The following FAM228B variants were observed in gnomAD, a reference collection of about 807,000 sequenced individuals.
FAM228B encodes the protein protein FAM228B.
In FAM228B, 38 loss-of-function variants were observed where a neutral mutation model predicts 42.6. That is an observed-to-expected ratio of 0.89 (90% confidence interval 0.69 to 1.17). The LOEUF is 1.17. Among genes scored for constraint, FAM228B ranks in the 50% most tolerant of loss-of-function variants. FAM228B has a pLI of 0.00. For synonymous variants in FAM228B, 109 were observed against 122.3 expected (o/e 0.89, Z 0.72); for missense variants, 344 against 367.3 (o/e 0.94, Z 0.52).
At position 24,084,246 on chromosome 2, in the gene FAM228B, C is replaced by T. The variant is rs1213074091; in HGVS notation, c.-210+3291C>T. 1.9e-6 allele frequency: 3 copies of T among 1,614,132 alleles called. No individual in the cohort carries two copies. Among genetic ancestry groups the T allele is most frequent in the Admixed American group, 1.7e-5 (1 of 60,026 alleles). ...CCGCCACCTTCAGGAGGACTTCACC[C>T]TCCCCCGGGCTCGGCTTGGCCACCT... On this transcript the variant is annotated intron_variant, in intron 2 of 10. Coordinates refer to the FAM228B transcript ENST00000613899. This position sits in a 1 kb window ranked among gnomAD's most constrained non-coding sequence, Gnocchi z 8.4.
At chr2:24,111,166 C>T (rs1339494691) in intron 3 of FAM228B, among the ~76,000 whole-genome samples, 1 of 151,940 alleles carries the variant, frequency 6.6e-6, no homozygotes, top group East Asian at 1.9e-4. Flanking sequence ...GCTCAAGCAA[C>T]CCTTCTGCCT....
At chr2:24,124,293 C>A in intron 1 of FAM228B, 37 bp from the exon 2 acceptor site, 1 of 1,033,490 alleles carries the variant, frequency 9.7e-7, no homozygotes, top group Non-Finnish European at 1.4e-6. Context: ...AATCAGATGA[C>A]TGTGAAATGT....
intron 7 of FAM228B, among the ~76,000 whole-genome samples, chr2:24,157,194 G>T (rs1223963647): frequency 6.6e-6 from 1 of 152,108 alleles, no homozygotes; most frequent in Admixed American, 6.5e-5. Flanking sequence ...GAGAGTACTT[G>T]ATATAATTTT....
chr2:24,147,058 A>G lies in FAM228B; in HGVS notation c.658A>G (p.Ile220Val). 6.4e-7 allele frequency: 1 copy of G among 1,550,876 alleles called. No homozygotes were observed. ...GTGGCTGAAACTGCCTACAAGATAC[A>G]TAGAAAGTGAATTTTGTAGAAGGAG... ...NEWLKLPTRYIESEFCRRRRL... is the reference protein window; with the variant it reads ...NEWLKLPTRYVESEFCRRRRL... The change falls in exon 7 of 11, where the codon ATA (isoleucine) becomes GTA (valine). Residue 220 changes from isoleucine to valine, a missense_variant. Physicochemically the swap from Ile to Val is conservative, Grantham distance 29. Coordinates refer to ENST00000615575, the MANE Select transcript of FAM228B (RefSeq NM_001145710.2).
intron 8 of FAM228B, among the ~76,000 whole-genome samples, chr2:24,162,371 C>A (rs748018250): frequency 3.9e-5 from 6 of 152,124 alleles, no homozygotes; most frequent in Non-Finnish European, 8.8e-5. Context: ...TGTGGGGAAT[C>A]ATCTCAGCTA....
At chr2:24,122,527 A>T (rs1449583153), upstream of FAM228B, 1 of 1,612,322 alleles carries the variant, frequency 6.2e-7, no homozygotes, top group African/African-American at 1.3e-5. Flanking sequence ...AGCTCTGCAA[A>T]TGGCTCATGT....
chr2:24,081,966 A>T (rs1289399829), intron 2 of FAM228B, among the ~76,000 whole-genome samples: 1 of 151,668 alleles, frequency 6.6e-6, no homozygotes, highest in Non-Finnish European at 1.5e-5. Flanking sequence ...AAGTGCTGGG[A>T]TTACAGGCGT....
intron 2 of FAM228B, among the ~76,000 whole-genome samples, chr2:24,134,535 A>T (rs1666532806): frequency 1.3e-5 from 2 of 152,250 alleles, no homozygotes; most frequent in African/African-American, 4.8e-5. Context: ...GTGAAAAAAG[A>T]TGGATTGTAA....
chr2:24,093,776 C>CTGGCTAA (rs567495857), intron 2 of FAM228B, among the ~76,000 whole-genome samples: 390 of 152,050 alleles, frequency 2.6e-3, no homozygotes, highest in African/African-American at 9.2e-3. Flanking sequence ...ACCACCTAGC[C>CTGGCTAA]TGGCTAATTT....
chr2:24,129,855 A>G (rs1666411695), intron 2 of FAM228B, among the ~76,000 whole-genome samples: 1 of 152,076 alleles, frequency 6.6e-6, no homozygotes, highest in Non-Finnish European at 1.5e-5. Context: ...CAGGACGTGC[A>G]GGTTTGTTAC....
chr2:24,082,159 TTA>T (rs986684449), intron 2 of FAM228B, among the ~76,000 whole-genome samples: 1 of 152,066 alleles, frequency 6.6e-6, no homozygotes, highest in Non-Finnish European at 1.5e-5. Context: ...TCATGCCTGG[TTA>T]ATTTTTGTAT....
chr2:24,094,463 A>G (rs1012736804), intron 2 of FAM228B, among the ~76,000 whole-genome samples: 7 of 152,186 alleles, frequency 4.6e-5, no homozygotes, highest in Admixed American at 4.6e-4. Context: ...TTTAATACTG[A>G]CATTTTAAAC....
At chr2:24,130,678 T>G (rs1033333036) in intron 2 of FAM228B, among the ~76,000 whole-genome samples, 3 of 152,156 alleles carry the variant, frequency 2.0e-5, no homozygotes, top group African/African-American at 7.2e-5. Flanking sequence ...TTGTTTGTTT[T>G]TTGTAGGTTC....
intron 5 of FAM228B, among the ~76,000 whole-genome samples, chr2:24,146,054 T>G (rs1032893116): frequency 6.6e-6 from 1 of 152,226 alleles, no homozygotes; most frequent in East Asian, 1.9e-4. Flanking sequence ...TTTTCATAAC[T>G]TCTGTAAAAG....
chr2:24,101,857 T>C (rs898036816), intron 3 of FAM228B, among the ~76,000 whole-genome samples: 1 of 152,122 alleles, frequency 6.6e-6, no homozygotes, highest in African/African-American at 2.4e-5. Flanking sequence ...TAATTTTTTG[T>C]ATTTTTAGTA....
At chr2:24,096,240 A>G (rs1364591425) in intron 3 of FAM228B, 1 of 152,226 alleles carries the variant, frequency 6.6e-6, no homozygotes, top group Non-Finnish European at 1.5e-5. Context: ...AAAGGATCGC[A>G]ACTCCTCGCC....
intron 3 of FAM228B, among the ~76,000 whole-genome samples, chr2:24,108,534 A>G (rs894104392): frequency 1.3e-5 from 2 of 152,224 alleles, no homozygotes; most frequent in African/African-American, 4.8e-5. Flanking sequence ...GATATTTTTG[A>G]TGAACATAGA....
intron 3 of FAM228B, among the ~76,000 whole-genome samples, chr2:24,102,897 G>A (rs1665633217): frequency 6.6e-6 from 1 of 152,140 alleles, no homozygotes; most frequent in Non-Finnish European, 1.5e-5. Flanking sequence ...ATCAGAAAAA[G>A]TTTCTCATTT....
rs1667357034 is a variant in FAM228B at position 24,164,563 on chromosome 2, G to GT, written c.932+228_932+229insT. Among the ~76,000 whole-genome samples the GT allele has an allele frequency of 9.3e-4, 8 of 8,598 alleles. 1 individual carries two copies. In the South Asian group the frequency reaches 0.093, roughly 100 times the overall value. The allele number at this position is 8,598 out of a possible 152,430, so 5.6% of individuals were successfully genotyped here. ...CACGATGAGGGTGCCCCCTGGTGGA[G>GT]CCACACGATGAGGGTGCCCCCTGGT... On this transcript the variant is annotated intron_variant, in intron 9 of 10. Transcript: ENST00000615575.
Sources: allele counts gnomAD v4.1 joint callset (sites outside exome capture counted in the v4.1 genomes callset), GRCh38; gene constraint gnomAD v4.1.1; non-coding constraint Gnocchi (gnomAD v3.1); transcripts MANE v1.5; gene names NCBI Gene and HGNC (gene_info 2026-07-23, HGNC 2026-07-21).